Variants in RTRAF observed in about 807,000 individuals in gnomAD.
RTRAF encodes the protein RNA transcription, translation and transport factor.
Under a neutral mutation model 34.4 loss-of-function variants are expected in RTRAF, and 14 were observed. The observed-to-expected ratio is 0.41, with a 90% confidence interval of 0.27 to 0.64. The LOEUF (loss-of-function observed/expected upper bound fraction) is 0.64. RTRAF is among the 30% of genes least tolerant of loss of function. RTRAF has a pLI of 0.34. For synonymous variants in RTRAF, 96 were observed against 95.3 expected, an observed-to-expected ratio of 1.01 and a Z score of -0.04; for missense variants, 291 against 288.4, an observed-to-expected ratio of 1.01 and a Z score of -0.06.
At chr14:51,999,211 A>T (rs1029727945) in intron 4 of RTRAF, 2 of 153,144 alleles carry the variant, frequency 1.3e-5, no homozygotes, top group African/African-American at 4.8e-5. Flanking sequence ...AAGTTACAGG[A>T]CAAATATAAT....
intron 3 of RTRAF, among the ~76,000 whole-genome samples, chr14:51,994,898 C>T (rs1036659246): frequency 2.3e-4 from 35 of 152,132 alleles, no homozygotes; most frequent in African/African-American, 8.2e-4. Context: ...TCTTTGTTCA[C>T]ACTTTTCCCT....
Position 52,005,930 on chromosome 14 carries a change from C to G in RTRAF, c.*1414C>G, listed in dbSNP as rs1045926090. On this transcript the variant is annotated 3_prime_UTR_variant, in exon 8 of 8. Transcript: ENST00000261700. ...TCAGTCAGCCACAGAAAATCAGTTG[C>G]AATAGAGGAAAATTTCTGGCAGCCT... 1.9e-6 allele frequency: 2 copies of G among 1,072,798 alleles called. No individual in the cohort carries two copies. Among genetic ancestry groups the G allele is most frequent in the Non-Finnish European group, 1.4e-6 (1 of 698,612 alleles). The allele number at this position is 1,072,798 out of a possible 1,614,324, so 66.5% of individuals were successfully genotyped here. A position where few individuals can be genotyped will look rare whatever the true frequency, so the allele number is the denominator to read the frequency against.
chr14:51,990,665 C>T (rs910236313), intron 1 of RTRAF, among the ~76,000 whole-genome samples: 3 of 152,120 alleles, frequency 2.0e-5, no homozygotes, highest in Admixed American at 1.3e-4. Flanking sequence ...CTTTGAGTCT[C>T]AATGTTCTTA....
Position 52,007,849 on chromosome 14 carries a change from A to T in RTRAF, c.*3333A>T. ...CAGAGCAGTTTAGAGAAAGGGTCAA[A>T]GGTTAAGCCATTGGGCAATCCAATG... On this transcript the variant is annotated 3_prime_UTR_variant, in exon 8 of 8. Coordinates refer to ENST00000261700, the MANE Select transcript of RTRAF (RefSeq NM_016039.3). 1.2e-6 allele frequency: 2 copies of T among 1,613,900 alleles called. No individual in the cohort carries two copies. Among genetic ancestry groups the T allele is most frequent in the Non-Finnish European group, 1.7e-6 (2 of 1,179,896 alleles).
rs1890658853 is a variant in RTRAF, at chr14:52,004,011, A to G, written c.532-183A>G. 3 of 612,928 alleles carry G rather than the reference A, an allele frequency of 4.9e-6. No homozygotes were observed. In the South Asian group the frequency reaches 6.3e-5, roughly 13 times the overall value. 38.0% of individuals were successfully genotyped at this position (612,928 alleles called of 1,614,324 possible). The stretch of plus-strand genomic sequence containing the variant: ...TTAACTTTTCCCCCTAACCGGTTGA[A>G]ATAGGGAAAACTCGCTAATCACAAT... On this transcript the variant is annotated intron_variant, in intron 6 of 7. Transcript: ENST00000261700.
chr14:51,999,785 G>A lies in RTRAF; in HGVS notation c.451G>A (p.Val151Ile). The A allele has an allele frequency of 6.2e-7, 1 of 1,608,046 alleles. No homozygotes were observed. Among genetic ancestry groups the A allele is most frequent in the Non-Finnish European group, 8.5e-7 (1 of 1,175,666 alleles). ...GATTCAGCGTCATGATGATTACCTG[G>A]TAATGCTTAAGGTCAGCTTCATGTT... ...LQIQRHDDYL[V>I]MLKAIRILVQ... is the part of the protein sequence containing the mutation. The change falls in exon 5 of 8, where the codon GTA becomes ATA. Residue 151 changes from valine to isoleucine, a missense_variant. Transcript: ENST00000261700.
rs1319216425 is a variant in RTRAF, at chr14:52,006,772, A to G, written c.*2256A>G. Reference sequence around the variant, plus strand: ...TGGGGAAATAGGATATTTTACTTCCATTACAGTCATAGATTAGCAACTGTA... The same window carrying G: ...TGGGGAAATAGGATATTTTACTTCCGTTACAGTCATAGATTAGCAACTGTA... On this transcript the variant is annotated 3_prime_UTR_variant, in exon 8 of 8. Coordinates refer to ENST00000261700, the MANE Select transcript of RTRAF (RefSeq NM_016039.3). The G allele has an allele frequency of 8.5e-7, 1 of 1,179,512 alleles. No homozygotes were observed. The highest frequency in any genetic ancestry group is 1.2e-6 in the Non-Finnish European group (1 of 822,842). 73.1% of individuals were successfully genotyped at this position (1,179,512 alleles called of 1,614,324 possible).
intron 1 of RTRAF, 75 bp from the exon 2 acceptor site, chr14:51,991,242 T>C: frequency 8.3e-6 from 12 of 1,439,842 alleles, no homozygotes; most frequent in Non-Finnish European, 1.2e-5. Context: ...CAAGAACATA[T>C]ATCTGAACAT....
chr14:51,995,292 GA>G (rs761943860), intron 3 of RTRAF, among the ~76,000 whole-genome samples: 16 of 151,894 alleles, frequency 1.1e-4, no homozygotes, highest in Non-Finnish European at 2.1e-4. Context: ...GCTCTCGGGG[GA>G]ATCTGTTTCT....
In RTRAF at chr14:51,989,632, C is replaced by T. The variant is rs763217896; in HGVS notation, c.-8C>T. ...AGGCCCGGGGGACCAGAGCGAGAAGCGGGGACCATGTTCCGACGCAAGTTG... is the reference window on the plus strand; with the variant it reads ...AGGCCCGGGGGACCAGAGCGAGAAGTGGGGACCATGTTCCGACGCAAGTTG... On this transcript the variant is annotated 5_prime_UTR_variant, in exon 1 of 8. Coordinates refer to ENST00000261700, the MANE Select transcript of RTRAF (RefSeq NM_016039.3). The T allele has an allele frequency of 4.4e-6, 7 of 1,600,816 alleles. No individual in the cohort carries two copies. Among genetic ancestry groups the T allele is most frequent in the African/African-American group, 4.0e-5 (3 of 74,342 alleles).
chr14:51,990,875 C>T (rs1279975299), intron 1 of RTRAF, among the ~76,000 whole-genome samples: 1 of 152,108 alleles, frequency 6.6e-6, no homozygotes, highest in Non-Finnish European at 1.5e-5. Context: ...CCCTCCTTCC[C>T]CTTTCTGTCC....
Position 52,006,691 on chromosome 14 carries a change from T to G in RTRAF, c.*2175T>G, listed in dbSNP as rs772966412. 1.7e-5 allele frequency: 27 copies of G among 1,610,954 alleles called. No individual in the cohort carries two copies. In the South Asian group the frequency reaches 2.9e-4, roughly 17 times the overall value. ...AAAACAAAGGGGGAAAATGAGGTCC[T>G]TCAGCTGCTTTGCCAAAAATGATAG... On this transcript the variant is annotated 3_prime_UTR_variant, in exon 8 of 8. Transcript: ENST00000261700.
At position 52,010,461 on chromosome 14, in the gene RTRAF, C is replaced by T. The variant is rs1185569894; in HGVS notation, c.*5945C>T. 1 of 158,900 alleles carries T rather than the reference C, an allele frequency of 6.3e-6. No homozygotes were observed. The highest frequency in any genetic ancestry group is 6.0e-5 in the Admixed American group (1 of 16,610). The allele number at this position is 158,900 out of a possible 1,614,324, so 9.8% of individuals were successfully genotyped here. ...GGTGTCTGAGCTTTGGCTAATGTCA[C>T]TTGATGTAGGTCAGCCCTACTGTGA... is the stretch of plus-strand genomic sequence containing the variant. On this transcript the variant is annotated 3_prime_UTR_variant, in exon 8 of 8. Coordinates refer to ENST00000261700, the MANE Select transcript of RTRAF (RefSeq NM_016039.3).
intron 3 of RTRAF, among the ~76,000 whole-genome samples, chr14:51,997,398 A>G (rs1185456062): frequency 2.0e-5 from 3 of 151,884 alleles, no homozygotes; most frequent in Non-Finnish European, 4.4e-5. Context: ...ATTTTATTCA[A>G]TGGATTATAA....
chr14:51,991,585 T>A (rs1890435766), intron 2 of RTRAF, 144 bp downstream of exon 2: 2 of 921,018 alleles, frequency 2.2e-6, no homozygotes, highest in Admixed American at 6.2e-5. Flanking sequence ...TTTGCTTTTT[T>A]CTTAGATGTG....
intron 5 of RTRAF, among the ~76,000 whole-genome samples, chr14:52,000,209 C>T (rs1260180184): frequency 6.6e-6 from 1 of 152,046 alleles, no homozygotes; most frequent in Non-Finnish European, 1.5e-5. Context: ...TTTAATGATT[C>T]ATAGTCTGCA....
In RTRAF at chr14:52,006,735, A is replaced by G; in HGVS notation, c.*2219A>G. 1 of 1,493,664 alleles carries G rather than the reference A, an allele frequency of 6.7e-7. No homozygotes were observed. Among genetic ancestry groups the G allele is most frequent in the Non-Finnish European group, 9.3e-7 (1 of 1,078,926 alleles). 92.5% of individuals were successfully genotyped at this position (1,493,664 alleles called of 1,614,324 possible). A position where few individuals can be genotyped will look rare whatever the true frequency, so the allele number is the denominator to read the frequency against. On this transcript the variant is annotated 3_prime_UTR_variant, in exon 8 of 8. Transcript: ENST00000261700. Reference sequence around the variant, plus strand: ...ATGATAGTGACATAGTGATAGTGACACAGTGATAGAATGGGGAAATAGGAT... The same window carrying G: ...ATGATAGTGACATAGTGATAGTGACGCAGTGATAGAATGGGGAAATAGGAT...
intron 7 of RTRAF, 40 bp from the exon 8 acceptor site, chr14:52,004,322 A>C: frequency 6.2e-7 from 1 of 1,609,548 alleles, no homozygotes; most frequent in South Asian, 1.1e-5. Flanking sequence ...TTAAATGTAA[A>C]AATTATGTAT....
chr14:52,009,821 G>T lies in RTRAF; in HGVS notation c.*5305G>T, dbSNP rs61971548. 0.1 allele frequency: 15,753 copies of T among 152,068 alleles called. 1,013 individuals are homozygous for T. The highest frequency in any genetic ancestry group is 0.16 in the East Asian group (813 of 5,154). The allele number at this position is 152,068 out of a possible 1,614,324, so 9.4% of individuals were successfully genotyped here. A position where few individuals can be genotyped will look rare whatever the true frequency, so the allele number is the denominator to read the frequency against. On this transcript the variant is annotated 3_prime_UTR_variant, in exon 8 of 8. Coordinates refer to ENST00000261700, the MANE Select transcript of RTRAF (RefSeq NM_016039.3). ...GACCAAAATGGCGAAACCCTGTCTC[G>T]ACTAAAAATACAAAAATTAGCTGGG...
Sources: allele counts gnomAD v4.1 joint callset (sites outside exome capture counted in the v4.1 genomes callset), GRCh38; gene constraint gnomAD v4.1.1; transcripts MANE v1.5; gene names NCBI Gene and HGNC (gene_info 2026-07-23, HGNC 2026-07-21).